KIAA0825: variants seen among roughly 807,000 people sequenced by gnomAD.
The protein encoded by KIAA0825 is KIAA0825.
KIAA0825 carries 119 observed loss-of-function variants against 147.6 expected under a neutral mutation model. The ratio of observed to expected loss-of-function variants is 0.81; its 90% CI spans 0.69 to 0.94. KIAA0825 has a LOEUF of 0.94. Ranked by LOEUF, KIAA0825 falls within the 40% of genes least tolerant of loss-of-function variation. The pLI, the probability that KIAA0825 is intolerant of heterozygous loss-of-function variation, is 0.00. For missense variants in KIAA0825, 1,381 were observed against 1,472.7 expected, an observed-to-expected ratio of 0.94 and a Z score of 1.02; for synonymous variants, 470 against 518.1, an observed-to-expected ratio of 0.91 and a Z score of 1.26.
intron 2 of KIAA0825, among the ~76,000 whole-genome samples, chr5:94,557,644 T>A (rs1377869650): frequency 6.6e-6 from 1 of 152,052 alleles, no homozygotes; most frequent in East Asian, 1.9e-4. Context: ...AATCAGGTAG[T>A]AAAGAGAGCT....
At chr5:94,548,052 T>C (rs1774805775) in intron 2 of KIAA0825, among the ~76,000 whole-genome samples, 3 of 152,086 alleles carry the variant, frequency 2.0e-5, no homozygotes, top group Admixed American at 2.0e-4. Flanking sequence ...AAGATGTTAA[T>C]GAGCAAGAAG....
intron 20 of KIAA0825, among the ~76,000 whole-genome samples, chr5:94,195,840 T>G (rs56046246): frequency 0.088 from 13,364 of 152,246 alleles, 733 homozygotes; most frequent in Middle Eastern, 0.14. Flanking sequence ...AGGATATGGC[T>G]GCATTACTAC....
chr5:94,386,348 G>A lies in KIAA0825; in HGVS notation c.3513C>T (p.Pro1171=). The change falls in exon 19 of 21, where the codon CCC becomes CCT. Residue 1171 remains proline (P), a synonymous_variant. Transcript: ENST00000682413. ...SMNSSEEKPL[P]IRPLKTTLRS... ...TCAAGGTCGTCTTTAAAGGTCGGATGGGTAATGGCTTTTCCTCTGAACTAT... is the reference window on the plus strand; with the variant it reads ...TCAAGGTCGTCTTTAAAGGTCGGATAGGTAATGGCTTTTCCTCTGAACTAT... 6.4e-7 allele frequency: 1 copy of A among 1,551,544 alleles called. No homozygotes were observed. The highest frequency in any genetic ancestry group is 8.7e-7 in the Non-Finnish European group (1 of 1,146,774).
At chr5:94,384,290 T>C in intron 20 of KIAA0825, 78 bp downstream of exon 20, 2 of 982,804 alleles carry the variant, frequency 2.0e-6, no homozygotes, top group East Asian at 2.7e-5. Flanking sequence ...GTAAAATCTG[T>C]GTACGTGTAT....
At chr5:94,427,021 A>G (rs1451814516) in intron 14 of KIAA0825, among the ~76,000 whole-genome samples, 3 of 152,184 alleles carry the variant, frequency 2.0e-5, no homozygotes, top group Non-Finnish European at 4.4e-5. Flanking sequence ...TGTATGGTAT[A>G]CAAGGCCTAA....
intron 20 of KIAA0825, among the ~76,000 whole-genome samples, chr5:94,206,211 G>A (rs1772183182): frequency 6.6e-6 from 1 of 151,998 alleles, no homozygotes; most frequent in African/African-American, 2.4e-5. Context: ...AGGCTTTTAT[G>A]TCTGTTATGA....
chr5:94,465,027 C>T lies in KIAA0825; in HGVS notation c.1905G>A (p.Trp635Ter), dbSNP rs1760308222. The change falls in exon 11 of 21, where the codon TGG (tryptophan) becomes TGA (stop). Residue 635 changes from tryptophan (W) to a stop codon, truncating the protein, a stop_gained. Coordinates refer to ENST00000682413, the MANE Select transcript of KIAA0825 (RefSeq NM_001145678.3). LOFTEE classifies it high-confidence loss of function. ...AATGAAGAGACCAGCAGAAATAATG[C>T]CACATCTGGATCGAGAAGGAACATC... ...GERCSFSIQM[W>*]HYFCWSLHYD... The T allele has an allele frequency of 6.4e-7, 1 of 1,551,576 alleles. No homozygotes were observed. Among genetic ancestry groups the T allele is most frequent in the South Asian group, 1.2e-5 (1 of 84,032 alleles).
At chr5:94,567,794 G>A (rs1233053940) in intron 2 of KIAA0825, 1 of 154,008 alleles carries the variant, frequency 6.5e-6, no homozygotes, top group Non-Finnish European at 1.4e-5. Flanking sequence ...AGCAGCAGCA[G>A]GAAAATCAGC....
chr5:94,160,656 T>C (rs1583702841), intron 20 of KIAA0825, among the ~76,000 whole-genome samples: 1 of 148,788 alleles, frequency 6.7e-6, no homozygotes, highest in African/African-American at 2.4e-5. Context: ...ATTAAATATA[T>C]ACTGTATGTA....
intron 13 of KIAA0825, among the ~76,000 whole-genome samples, chr5:94,445,509 A>G (rs1757616577): frequency 6.6e-6 from 1 of 152,114 alleles, no homozygotes; most frequent in Admixed American, 6.6e-5. Context: ...ATTGTATTGT[A>G]TTTATGTCTC....
chr5:94,496,848 TG>T (rs1764427438), intron 5 of KIAA0825, among the ~76,000 whole-genome samples: 1 of 152,060 alleles, frequency 6.6e-6, no homozygotes, highest in South Asian at 2.1e-4. Context: ...TAAATGAAAA[TG>T]CTACATAAAT....
At chr5:94,598,300 A>C (rs186227747) in intron 1 of KIAA0825, among the ~76,000 whole-genome samples, 52 of 152,232 alleles carry the variant, frequency 3.4e-4, no homozygotes, top group Non-Finnish European at 6.9e-4. Context: ...ACACACACAC[A>C]TATTAGCCTA....
chr5:94,603,977 T>C (rs924434316), intron 1 of KIAA0825, among the ~76,000 whole-genome samples: 1 of 152,104 alleles, frequency 6.6e-6, no homozygotes, highest in Non-Finnish European at 1.5e-5. Context: ...CAATAATAAA[T>C]GAGAGACTTT....
chr5:94,219,176 AT>A lies in KIAA0825; in HGVS notation c.3711-65053del, dbSNP rs547407351. ...TATTATTATTACATTGTAATATATA[AT>A]GTATATACATGTATATATTATTACG... On this transcript the variant is annotated intron_variant, in intron 20 of 20. Transcript: ENST00000682413. Among the ~76,000 whole-genome samples, 6 of 152,238 alleles carry A rather than the reference AT, an allele frequency of 3.9e-5. No homozygotes were observed. In the East Asian group the frequency reaches 9.6e-4, roughly 24 times the overall value.
chr5:94,448,275 T>C (rs533125946), intron 13 of KIAA0825, among the ~76,000 whole-genome samples: 2 of 151,878 alleles, frequency 1.3e-5, no homozygotes, highest in South Asian at 4.2e-4. Context: ...TATATTTATT[T>C]TCCCTAAAAT....
chr5:94,607,988 AT>A (rs1396423049), intron 1 of KIAA0825, among the ~76,000 whole-genome samples: 12 of 152,150 alleles, frequency 7.9e-5, no homozygotes, highest in Non-Finnish European at 1.5e-4. Flanking sequence ...TTGTAATTAC[AT>A]TGAGACAACT....
At chr5:94,294,053 A>G (rs183959865) in intron 20 of KIAA0825, among the ~76,000 whole-genome samples, 154 of 152,252 alleles carry the variant, frequency 1.0e-3, no homozygotes, top group Middle Eastern at 3.4e-3. Context: ...CCTGAATACA[A>G]CACACTGATG....
intron 5 of KIAA0825, among the ~76,000 whole-genome samples, chr5:94,500,243 A>G (rs888470160): frequency 6.6e-6 from 1 of 152,146 alleles, no homozygotes; most frequent in African/African-American, 2.4e-5. Flanking sequence ...TAGGGGAGTA[A>G]AGTGTACTTG....
chr5:94,381,960 T>C (rs904897602), intron 20 of KIAA0825, among the ~76,000 whole-genome samples: 8 of 152,218 alleles, frequency 5.3e-5, no homozygotes, highest in African/African-American at 1.9e-4. Flanking sequence ...ATCTTCAATT[T>C]TTTTCATACT....
Sources: gnomAD v4.1 joint callset for allele counts (sites outside exome capture counted in the v4.1 genomes callset) on GRCh38, gnomAD v4.1.1 for gene constraint, MANE v1.5 for transcripts, NCBI Gene and HGNC (gene_info 2026-07-23, HGNC 2026-07-21) for gene names.